NBEA: variants seen among roughly 807,000 people sequenced by gnomAD.
The protein encoded by NBEA is lysosomal-trafficking regulator 2.
NBEA carries 44 observed loss-of-function variants against 343.4 expected under a neutral mutation model. That is an observed-to-expected ratio of 0.13 (90% CI 0.10 to 0.16). The LOEUF (loss-of-function observed/expected upper bound fraction) is 0.16. NBEA is among the 10% of genes least tolerant of loss of function. The pLI is 1.00. For synonymous variants in NBEA, 1,175 were observed against 1,238.7 expected, an observed-to-expected ratio of 0.95 and a Z score of 1.08; for missense variants, 2,555 against 3,631.3, an observed-to-expected ratio of 0.70 and a Z score of 7.62.
intron 22 of NBEA, 97 bp from the exon 23 acceptor site, chr13:35,161,653 G>A: frequency 1.0e-6 from 1 of 977,008 alleles, no homozygotes; most frequent in Non-Finnish European, 1.5e-6. Flanking sequence ...ATATGCTAAA[G>A]CATTAAAGCA....
At chr13:35,439,225 C>T (rs534027561) in intron 39 of NBEA, among the ~76,000 whole-genome samples, 1 of 152,234 alleles carries the variant, frequency 6.6e-6, no homozygotes, top group East Asian at 1.9e-4. Context: ...AAAATTCCAG[C>T]ACGAAATATC....
chr13:35,565,641 G>A (rs2080099801), intron 44 of NBEA, among the ~76,000 whole-genome samples: 1 of 151,962 alleles, frequency 6.6e-6, no homozygotes, highest in African/African-American at 2.4e-5. Context: ...AAATAATTTT[G>A]TTCAACAAAA....
chr13:34,961,602 G>A (rs918725777), intron 1 of NBEA, among the ~76,000 whole-genome samples: 9 of 151,888 alleles, frequency 5.9e-5, no homozygotes, highest in African/African-American at 2.2e-4. Flanking sequence ...ATTACTTACC[G>A]TATGTAAAGC....
At chr13:35,204,226 C>G (rs1002956271) in intron 31 of NBEA, among the ~76,000 whole-genome samples, 2 of 152,140 alleles carry the variant, frequency 1.3e-5, no homozygotes, top group African/African-American at 4.8e-5. Context: ...AGGTTAAGTA[C>G]TCCTTATGAT....
chr13:35,566,993 A>G lies in NBEA; in HGVS notation c.7011A>G (p.Pro2337=), dbSNP rs574189950. The change falls in exon 45 of 59, where the codon CCA becomes CCG. Residue 2337 remains proline, a synonymous_variant. Transcript: ENST00000379939. ...YESEELDLTL[P]GNFRDLSKPI... is the part of the protein sequence containing the mutation. ...CAGAAGAGTTGGACCTGACTCTTCC[A>G]GGAAACTTCAGGGATCTATCAAAGG... 9 of 1,607,478 alleles carry G rather than the reference A, an allele frequency of 5.6e-6. No individual in the cohort carries two copies. In the East Asian group the frequency reaches 6.7e-5, roughly 12 times the overall value.
intron 6 of NBEA, among the ~76,000 whole-genome samples, chr13:35,052,764 C>T (rs996902005): frequency 6.6e-6 from 1 of 151,838 alleles, no homozygotes; most frequent in Admixed American, 6.6e-5. Flanking sequence ...TAAATAAGTA[C>T]TATGGTCTTT....
chr13:35,333,786 A>G (rs1243056800), intron 36 of NBEA, among the ~76,000 whole-genome samples: 1 of 152,132 alleles, frequency 6.6e-6, no homozygotes, highest in Non-Finnish European at 1.5e-5. Context: ...ATGAGTGAGA[A>G]CATGCTGTTT....
chr13:34,961,228 T>C (rs577477535), intron 1 of NBEA, among the ~76,000 whole-genome samples: 1 of 152,228 alleles, frequency 6.6e-6, no homozygotes, highest in East Asian at 1.9e-4. Context: ...ACTTGTGGCA[T>C]GTTATTAGTT....
Position 35,118,234 on chromosome 13 carries a change from G to T in NBEA, c.2089G>T (p.Gly697Trp). Residue 697 changes from glycine (G) to tryptophan (W), a missense_variant, in exon 15 of 59, where the codon GGG (glycine) becomes TGG (tryptophan). By Grantham distance (184) the Gly-to-Trp change is radical. Coordinates refer to ENST00000379939, the MANE Select transcript of NBEA (RefSeq NM_001385012.1). Reference protein sequence around the residue: ...FLKQLILKDRGVKEDELQSIL... With the variant: ...FLKQLILKDRWVKEDELQSIL... ...AATATTTTTTAAAAATTAGGATCGA[G>T]GGGTCAAGGAAGATGAACTTCAGAG... The T allele has an allele frequency of 6.7e-7, 1 of 1,500,540 alleles. No individual in the cohort carries two copies. Among genetic ancestry groups the T allele is most frequent in the Non-Finnish European group, 8.9e-7 (1 of 1,119,390 alleles). 93.0% of individuals were successfully genotyped at this position (1,500,540 alleles called of 1,614,324 possible).
intron 8 of NBEA, among the ~76,000 whole-genome samples, chr13:35,062,819 A>G (rs2063513542): frequency 6.6e-6 from 1 of 151,930 alleles, no homozygotes; most frequent in South Asian, 2.1e-4. Context: ...CTGACTGAAA[A>G]AGAAAACCTG....
At chr13:35,216,663 T>A (rs2152757800) in intron 33 of NBEA, among the ~76,000 whole-genome samples, 1 of 152,098 alleles carries the variant, frequency 6.6e-6, no homozygotes, top group South Asian at 2.1e-4. Context: ...TTTACAGAGG[T>A]GCATTTTGAC....
chr13:34,959,767 A>C (rs2059603272), intron 1 of NBEA, among the ~76,000 whole-genome samples: 1 of 152,096 alleles, frequency 6.6e-6, no homozygotes, highest in African/African-American at 2.4e-5. Flanking sequence ...TGGAGCTGAA[A>C]AATTCTTATC....
At chr13:35,436,844 T>G (rs1056612791) in intron 39 of NBEA, among the ~76,000 whole-genome samples, 1 of 152,172 alleles carries the variant, frequency 6.6e-6, no homozygotes, top group Non-Finnish European at 1.5e-5. Flanking sequence ...AAAAGAACAT[T>G]TTATAGATGG....
intron 36 of NBEA, among the ~76,000 whole-genome samples, chr13:35,332,090 C>CTATT (rs1351608156): frequency 2.6e-5 from 4 of 151,956 alleles, no homozygotes; most frequent in African/African-American, 4.8e-5. Context: ...TAGCTGTATA[C>CTATT]TATTGGTGAT....
intron 41 of NBEA, among the ~76,000 whole-genome samples, chr13:35,483,619 G>C (rs535331465): frequency 6.6e-6 from 1 of 151,818 alleles, no homozygotes; most frequent in Admixed American, 6.6e-5. Flanking sequence ...CAAATATTTT[G>C]TCTTTTTACA....
At position 34,992,266 on chromosome 13, in the gene NBEA, T is replaced by A. The variant is rs1017264984; in HGVS notation, c.295-48667T>A. ...TATATATATATATATATATATATTT[T>A]TTTTTTTAGACAGAGTCTAGCTCTG... On this transcript the variant is annotated intron_variant, in intron 1 of 58. Coordinates refer to ENST00000379939, the MANE Select transcript of NBEA (RefSeq NM_001385012.1). 3.0e-3 allele frequency among the ~76,000 whole-genome samples: 390 copies of A among 131,270 alleles called. 1 individual carries two copies. The highest frequency in any genetic ancestry group is 4.1e-3 in the Non-Finnish European group (241 of 59,304). The allele number at this position is 131,270 out of a possible 152,430, so 86.1% of individuals were successfully genotyped here.
chr13:35,479,475 C>T (rs2076031856), intron 41 of NBEA, among the ~76,000 whole-genome samples: 1 of 152,052 alleles, frequency 6.6e-6, no homozygotes, highest in Non-Finnish European at 1.5e-5. Flanking sequence ...GTTTTCCATC[C>T]CCGAAATTTT....
intron 32 of NBEA, among the ~76,000 whole-genome samples, chr13:35,210,672 A>G (rs934159078): frequency 6.6e-6 from 1 of 152,142 alleles, no homozygotes; most frequent in East Asian, 1.9e-4. Context: ...GTTCACTCCA[A>G]ACTATGTCTT....
chr13:35,325,982 C>G (rs1265455486), intron 36 of NBEA, among the ~76,000 whole-genome samples: 2 of 151,912 alleles, frequency 1.3e-5, no homozygotes, highest in Admixed American at 1.3e-4. Context: ...ACAGCTTTAT[C>G]TCTGGGTTTT....
Sources: gnomAD v4.1 joint callset for allele counts (sites outside exome capture counted in the v4.1 genomes callset) on GRCh38, gnomAD v4.1.1 for gene constraint, MANE v1.5 for transcripts, NCBI Gene and HGNC (gene_info 2026-07-23, HGNC 2026-07-21) for gene names.